Variants in MCM3AP observed in about 807,000 individuals in gnomAD.
The protein encoded by MCM3AP is germinal-center associated nuclear protein.
MCM3AP carries 126 observed loss-of-function variants against 184.1 expected under a neutral mutation model. The observed-to-expected ratio is 0.68, with a 90% CI of 0.59 to 0.79. MCM3AP has a LOEUF of 0.79. MCM3AP is among the 30% of genes least tolerant of loss of function. The pLI, the probability that MCM3AP is intolerant of heterozygous loss-of-function variation, is 0.00. For missense variants in MCM3AP, 2,496 were observed against 2,479.2 expected (o/e 1.01, Z -0.14); for synonymous variants, 1,002 against 979.3 (o/e 1.02, Z -0.43).
rs1346531430 is a variant in MCM3AP, at chr21:46,280,489, A to G, written c.1522+8T>C. The G allele has an allele frequency of 6.3e-7, 1 of 1,577,762 alleles. No homozygotes were observed. ...TTTAAAAAGTGAAAAGAATAATTGAAAACTCACTTATTTTCTTCCTGTGCC... is the reference window on the plus strand; with the variant it reads ...TTTAAAAAGTGAAAAGAATAATTGAGAACTCACTTATTTTCTTCCTGTGCC... On this transcript the variant is annotated splice_region_variant and intron_variant, in intron 3 of 27. Coordinates refer to ENST00000291688, the MANE Select transcript of MCM3AP (RefSeq NM_003906.5).
chr21:46,283,952 T>A, intron 1 of MCM3AP, 114 bp from the exon 2 acceptor site: 1 of 1,543,428 alleles, frequency 6.5e-7, no homozygotes, highest in Non-Finnish European at 8.7e-7. Flanking sequence ...CGATGACATG[T>A]TAGAATCCCT....
At chr21:46,267,228 G>A in intron 9 of MCM3AP, 86 bp from the exon 10 acceptor site, 2 of 1,352,480 alleles carry the variant, frequency 1.5e-6, no homozygotes, top group Admixed American at 2.0e-5. Flanking sequence ...GCCATGGCCA[G>A]CGTGGGGCAC....
intron 13 of MCM3AP, among the ~76,000 whole-genome samples, chr21:46,263,376 G>A (rs189295680): frequency 8.6e-4 from 131 of 152,010 alleles, no homozygotes; most frequent in African/African-American, 2.9e-3. Flanking sequence ...TAACCTAGGA[G>A]GCAAAAACTT....
Position 46,259,041 on chromosome 21 carries a change from T to A in MCM3AP, c.3632A>T (p.Asp1211Val). 1 of 1,614,030 alleles carries A rather than the reference T, an allele frequency of 6.2e-7. No homozygotes were observed. The highest frequency in any genetic ancestry group is 8.5e-7 in the Non-Finnish European group (1 of 1,179,992). The change falls in exon 16 of 28, where the codon GAT (aspartate) becomes GTT (valine). Residue 1211 changes from aspartate (D) to valine (V), a missense_variant. Asp to Val is a radical substitution (Grantham distance 152). Coordinates refer to ENST00000291688, the MANE Select transcript of MCM3AP (RefSeq NM_003906.5). ...CAAGTCCACTAAGTGGGCACAGACA[T>A]CCTCACAGCAACGGGCCACACGGAC... ...QRVRVARCCE[D>V]VCAHLVDLFL...
chr21:46,277,483 C>T (rs768545316), intron 5 of MCM3AP, 44 bp downstream of exon 5: 31 of 1,450,296 alleles, frequency 2.1e-5, no homozygotes, highest in Non-Finnish European at 2.8e-5. Context: ...CCCAAGATGA[C>T]GACCTCACCA....
At chr21:46,237,436 G>A (rs1255469893) in intron 26 of MCM3AP, among the ~76,000 whole-genome samples, 2 of 120,872 alleles carry the variant, frequency 1.7e-5, no homozygotes, top group Admixed American at 8.9e-5. Context: ...ACAAGGTCTC[G>A]CTCTGTTGGC....
chr21:46,278,946 T>G (rs1380188855), intron 4 of MCM3AP, among the ~76,000 whole-genome samples: 1 of 11,040 alleles, frequency 9.1e-5, no homozygotes, highest in African/African-American at 4.0e-4. Flanking sequence ...GTGCTGGGAT[T>G]ACAGGCGTGA....
At chr21:46,276,077 C>T (rs935418156) in intron 5 of MCM3AP, among the ~76,000 whole-genome samples, 1 of 152,034 alleles carries the variant, frequency 6.6e-6, no homozygotes, top group African/African-American at 2.4e-5. Context: ...CATGGAGAAA[C>T]CCCATCTCTA....
Position 46,254,773 on chromosome 21 carries a change from G to C in MCM3AP, c.4001+3C>G, listed in dbSNP as rs370560209. ...GTGCGCAGAAGGGTGCAGCATGACAGACCTCAGCAGCTGCTGGTAGAAGTG... is the reference window on the plus strand; with the variant it reads ...GTGCGCAGAAGGGTGCAGCATGACACACCTCAGCAGCTGCTGGTAGAAGTG... On this transcript the variant is annotated splice_donor_region_variant and intron_variant, in intron 18 of 27. Coordinates refer to ENST00000291688, the MANE Select transcript of MCM3AP (RefSeq NM_003906.5). 9 of 1,613,266 alleles carry C rather than the reference G, an allele frequency of 5.6e-6. No homozygotes were observed. The African/African-American group carries it at 1.2e-4, about 22-fold the overall frequency.
At chr21:46,249,946 G>A in intron 20 of MCM3AP, 1 of 175,418 alleles carries the variant, frequency 5.7e-6, no homozygotes, top group Non-Finnish European at 1.2e-5. Flanking sequence ...AAGTGGAGGA[G>A]CAGGGACACA....
At position 46,266,987 on chromosome 21, in the gene MCM3AP, G is replaced by A. The variant is rs761749973; in HGVS notation, c.2784C>T (p.Ser928=). The A allele has an allele frequency of 1.4e-5, 22 of 1,614,006 alleles. No individual in the cohort carries two copies. Among genetic ancestry groups the A allele is most frequent in the African/African-American group, 6.7e-5 (5 of 74,940 alleles). Residue 928 remains serine, a synonymous_variant, in exon 10 of 28, where the codon TCC becomes TCT. Transcript: ENST00000291688. ...GTTCCATTCTCAGCTCTTACCCGTC[G>A]GAAACGGTGAGGCCGTGGCAGGTGA... ...DFLTCHGLTV[S]DGCVELNRSA... is the part of the protein sequence containing the mutation.
chr21:46,254,519 C>T lies in MCM3AP; in HGVS notation c.4009G>A (p.Ala1337Thr), dbSNP rs779625785. The change falls in exon 19 of 28, where the codon GCA becomes ACA. Residue 1337 changes from alanine to threonine, a missense_variant. Coordinates refer to ENST00000291688, the MANE Select transcript of MCM3AP (RefSeq NM_003906.5). ...GATGGCAGGTCCAGAGACGCCCATGCCACATCACTGGGAGGAACAGACCAC... is the reference window on the plus strand; with the variant it reads ...GATGGCAGGTCCAGAGACGCCCATGTCACATCACTGGGAGGAACAGACCAC... ...HFYQQLLSDV[A>T]WASLDLPSLV... 6.2e-7 allele frequency: 1 copy of T among 1,614,054 alleles called. No homozygotes were observed. Among genetic ancestry groups the T allele is most frequent in the South Asian group, 1.1e-5 (1 of 91,088 alleles).
At chr21:46,243,981 G>C (rs921362630) in intron 23 of MCM3AP, among the ~76,000 whole-genome samples, 1 of 152,210 alleles carries the variant, frequency 6.6e-6, no homozygotes, top group Non-Finnish European at 1.5e-5. Flanking sequence ...TTGTGCCTAG[G>C]AAATCTGTAT....
chr21:46,264,225 G>A lies in MCM3AP; in HGVS notation c.3235-8C>T, dbSNP rs2081078552. The A allele has an allele frequency of 5.7e-6, 9 of 1,592,044 alleles. No individual in the cohort carries two copies. The highest frequency in any genetic ancestry group is 6.0e-6 in the Non-Finnish European group (7 of 1,162,268). ...CACCACCTGCGCCAGGTCCTGTGGA[G>A]AGACCAGCATGGGGTGTAATGGAAC... On this transcript the variant is annotated splice_region_variant and splice_polypyrimidine_tract_variant and intron_variant, in intron 12 of 27. Coordinates refer to ENST00000291688, the MANE Select transcript of MCM3AP (RefSeq NM_003906.5).
At chr21:46,248,074 G>A (rs1486709252) in intron 20 of MCM3AP, among the ~76,000 whole-genome samples, 1 of 152,192 alleles carries the variant, frequency 6.6e-6, no homozygotes, top group Non-Finnish European at 1.5e-5. Flanking sequence ...GGGAAGCAGA[G>A]GATGCCATAC....
At chr21:46,273,041 C>T (rs1378519967) in intron 7 of MCM3AP, among the ~76,000 whole-genome samples, 1 of 151,408 alleles carries the variant, frequency 6.6e-6, no homozygotes, top group African/African-American at 2.4e-5. Context: ...GCAGTGGTGT[C>T]ATCTTGGCTC....
In MCM3AP at chr21:46,281,933, G is replaced by C. The variant is rs1372745414; in HGVS notation, c.1444-1358C>G. ...GAATCGCTTGAACTGGAAAGGTAAA[G>C]GTTGAAGTGAGCCAAGATTGCGCCA... is the stretch of plus-strand genomic sequence containing the variant. On this transcript the variant is annotated intron_variant, in intron 2 of 27. Coordinates refer to ENST00000291688, the MANE Select transcript of MCM3AP (RefSeq NM_003906.5). Among the ~76,000 whole-genome samples, 3 of 152,126 alleles carry C rather than the reference G, an allele frequency of 2.0e-5. No homozygotes were observed. The East Asian group carries it at 5.8e-4, about 29-fold the overall frequency.
chr21:46,270,666 C>T (rs1260551115), intron 8 of MCM3AP, 103 bp from the exon 9 acceptor site: 29 of 1,017,968 alleles, frequency 2.8e-5, no homozygotes, highest in Middle Eastern at 3.3e-4. Flanking sequence ...TGGCCAGATG[C>T]AGTGGCTCAC....
At chr21:46,276,772 CTG>C (rs2081261897) in intron 5 of MCM3AP, among the ~76,000 whole-genome samples, 1 of 145,140 alleles carries the variant, frequency 6.9e-6, no homozygotes, top group Non-Finnish European at 1.5e-5. Context: ...GAATCTCACC[CTG>C]TTGTCCAGGC....
Sources: allele counts gnomAD v4.1 joint callset (sites outside exome capture counted in the v4.1 genomes callset), GRCh38; gene constraint gnomAD v4.1.1; transcripts MANE v1.5; gene names NCBI Gene and HGNC (gene_info 2026-07-23, HGNC 2026-07-21).